Variants in PLEC observed in about 807,000 individuals in gnomAD.
The protein encoded by PLEC is plectin.
In PLEC, 216 loss-of-function variants were observed where a neutral mutation model predicts 392.8. The ratio of observed to expected loss-of-function variants is 0.55; its 90% CI spans 0.49 to 0.62. The LOEUF (loss-of-function observed/expected upper bound fraction) is 0.62, where lower values mean the gene tolerates loss of function less well. Among genes scored for constraint, PLEC ranks in the 20% least tolerant of loss-of-function variants. PLEC has a pLI of 0.00. For missense variants in PLEC, 6,863 were observed against 6,563.4 expected (o/e 1.05, Z -1.58); for synonymous variants, 3,621 against 2,980.6 (o/e 1.21, Z -7.00).
rs1554716337 is a variant in PLEC at position 143,932,110 on chromosome 8, C to A, written c.2082+20G>T. ...GGCACGGCCCCCCCCGCAGCCCCGCCCCTACCCAGGGAGCCCCACCTCCAC... is the reference window on the plus strand; with the variant it reads ...GGCACGGCCCCCCCCGCAGCCCCGCACCTACCCAGGGAGCCCCACCTCCAC... On this transcript the variant is annotated intron_variant, in intron 17 of 31. Transcript: ENST00000345136. 1 of 1,605,910 alleles carries A rather than the reference C, an allele frequency of 6.2e-7. No individual in the cohort carries two copies. Among genetic ancestry groups the A allele is most frequent in the African/African-American group, 1.3e-5 (1 of 74,772 alleles).
At chr8:143,928,030 C>A in intron 25 of PLEC, 38 bp from the exon 26 acceptor site, 1 of 1,563,984 alleles carries the variant, frequency 6.4e-7, no homozygotes, top group Non-Finnish European at 8.7e-7. Flanking sequence ...TGACATGGGG[C>A]TCGAGCAATA....
At position 143,930,017 on chromosome 8, in the gene PLEC, C is replaced by T. The variant is rs78012434; in HGVS notation, c.2658G>A (p.Leu886=). 18,765 of 1,612,170 alleles carry T rather than the reference C, an allele frequency of 0.012. 1,548 individuals carry two copies. In the African/African-American group the frequency reaches 0.2, roughly 17 times the overall value. ...CCAGAAGGCTCTTCATGTCCACGTG[C>T]AACTGGTGCCACAGCGTGACCAGGG... ...HQALVTLWHQ[L]HVDMKSLLAW... is the part of the protein sequence containing the mutation. Residue 886 remains leucine (L), a synonymous_variant, in exon 22 of 32, where the codon TTG becomes TTA. Transcript: ENST00000345136.
In PLEC at chr8:143,920,171, G is replaced by A. The variant is rs1554680885; in HGVS notation, c.9650C>T (p.Ala3217Val). 2 of 1,612,292 alleles carry A rather than the reference G, an allele frequency of 1.2e-6. No individual in the cohort carries two copies. Among genetic ancestry groups the A allele is most frequent in the Non-Finnish European group, 1.7e-6 (2 of 1,179,952 alleles). ...LSLLPLSEKA[A>V]RARQEELYSE... ...GTAGAGCTCCTCCTGCCGGGCCCGA[G>A]CAGCCTTTTCTGAGAGCGGCAGCAG... The change falls in exon 32 of 32, where the codon GCT (alanine) becomes GTT (valine). Residue 3217 changes from alanine (A) to valine (V), a missense_variant. Ala to Val is a moderately conservative substitution (Grantham distance 64). Transcript: ENST00000345136.
chr8:143,960,653 T>C (rs1229464999), intron 1 of PLEC, among the ~76,000 whole-genome samples: 1 of 152,186 alleles, frequency 6.6e-6, no homozygotes, highest in African/African-American at 2.4e-5. Flanking sequence ...GTTTACATTC[T>C]TCCCTTCACT....
intron 1 of PLEC, chr8:143,945,115 A>G: frequency 2.4e-6 from 1 of 410,376 alleles, no homozygotes; most frequent in South Asian, 1.9e-5. Flanking sequence ...GGGCCAAGAG[A>G]AGAGGCCGCC....
In PLEC at chr8:143,923,888, A is replaced by T; in HGVS notation, c.6041T>A (p.Leu2014Gln). 6.3e-7 allele frequency: 1 copy of T among 1,594,378 alleles called. No individual in the cohort carries two copies. Among genetic ancestry groups the T allele is most frequent in the Non-Finnish European group, 8.5e-7 (1 of 1,177,910 alleles). The change falls in exon 31 of 32, where the codon CTG becomes CAG. Residue 2014 changes from leucine (L) to glutamine (Q), a missense_variant. Physicochemically the swap from Leu to Gln is moderately radical, Grantham distance 113. Transcript: ENST00000345136. ...RKAALEEVER[L>Q]KAKVEEARRL... Reference sequence around the variant, plus strand: ...CCGCGCCTCCTCCACCTTGGCTTTCAGCCGCTCGACTTCCTCCAGCGCCGC... The same window carrying T: ...CCGCGCCTCCTCCACCTTGGCTTTCTGCCGCTCGACTTCCTCCAGCGCCGC...
exon 1 of PLEC, chr8:143,950,351 A>G: frequency 6.3e-7 from 1 of 1,584,454 alleles, no homozygotes; most frequent in Non-Finnish European, 8.6e-7. Flanking sequence ...GGGACCCTGC[A>G]CAGCCTGCAC....
chr8:143,953,694 C>T (rs1554738101), upstream of PLEC: 10 of 1,603,640 alleles, frequency 6.2e-6, no homozygotes, highest in Non-Finnish European at 8.5e-6. Context: ...TGGTCCGCGC[C>T]CCCCGGCTCG....
rs1554710625 is a variant in PLEC at position 143,929,294 on chromosome 8, G to C, written c.3082-13C>G. On this transcript the variant is annotated splice_polypyrimidine_tract_variant and intron_variant, in intron 24 of 31. Coordinates refer to ENST00000345136, the MANE Select transcript of PLEC (RefSeq NM_201384.3). ...CTGCCTGTGCCTTCTGCAAAGACAG[G>C]GAGTGGGAACGCACTCATCACCGAG... 1.3e-6 allele frequency: 2 copies of C among 1,599,376 alleles called. No individual in the cohort carries two copies. Among genetic ancestry groups the C allele is most frequent in the Non-Finnish European group, 1.7e-6 (2 of 1,179,344 alleles).
chr8:143,934,243 C>A, intron 11 of PLEC, 75 bp downstream of exon 11: 2 of 1,600,684 alleles, frequency 1.2e-6, no homozygotes, highest in South Asian at 2.2e-5. Context: ...GGGGGCGGGG[C>A]GGGGAGGGGG....
Position 143,922,901 on chromosome 8 carries a change from G to C in PLEC, c.7028C>G (p.Ala2343Gly). The change falls in exon 31 of 32, where the codon GCG (alanine) becomes GGG (glycine). Residue 2343 changes from alanine to glycine, a missense_variant. Transcript: ENST00000345136. ...CTCCTTGTCCTCCTGCAGCCGCCGC[G>C]CCTGCTCCTGCGCAAGCTCCTTCTG... ...QQQKELAQEQ[A>G]RRLQEDKEQM... The C allele has an allele frequency of 6.3e-7, 1 of 1,590,414 alleles. No homozygotes were observed. Among genetic ancestry groups the C allele is most frequent in the Admixed American group, 1.8e-5 (1 of 56,674 alleles).
At chr8:143,947,973 C>A (rs1831695730) in intron 1 of PLEC, among the ~76,000 whole-genome samples, 1 of 152,188 alleles carries the variant, frequency 6.6e-6, no homozygotes, top group Admixed American at 6.5e-5. Context: ...CTTCTGAAGC[C>A]ACCTTCCCAT....
At chr8:143,966,837 G>A (rs1419840469) in intron 1 of PLEC, among the ~76,000 whole-genome samples, 12 of 152,150 alleles carry the variant, frequency 7.9e-5, no homozygotes, top group Admixed American at 6.5e-4. Flanking sequence ...CCCACGGCCA[G>A]ACCCTATGAG....
intron 25 of PLEC, among the ~76,000 whole-genome samples, chr8:143,928,518 G>C (rs1394170043): frequency 9.7e-6 from 1 of 103,236 alleles, no homozygotes; most frequent in Non-Finnish European, 2.1e-5. Context: ...TAGACAGCGG[G>C]TGGACCTGTG....
At chr8:143,957,689 G>A (rs1478837764), upstream of PLEC, among the ~76,000 whole-genome samples, 2 of 152,174 alleles carry the variant, frequency 1.3e-5, no homozygotes, top group Non-Finnish European at 2.9e-5. Context: ...CCAAAGAAGG[G>A]GCTCCAACCC....
At chr8:143,948,525 C>T (rs1243547208) in intron 1 of PLEC, among the ~76,000 whole-genome samples, 1 of 152,202 alleles carries the variant, frequency 6.6e-6, no homozygotes, top group Admixed American at 6.5e-5. Context: ...AAGCTCAGCC[C>T]GTGAGGTCCA....
At position 143,929,165 on chromosome 8, in the gene PLEC, C is replaced by G; in HGVS notation, c.3198G>C (p.Glu1066Asp). 6.3e-7 allele frequency: 1 copy of G among 1,594,490 alleles called. No individual in the cohort carries two copies. Among genetic ancestry groups the G allele is most frequent in the South Asian group, 1.1e-5 (1 of 88,496 alleles). ...CCAGCTTGCCCAGCGTCAGCTCCAG[C>G]TCCGAGCGCAGCGTGGGGGCCGCAG... The part of the protein sequence containing the change: ...PSPAAPTLRS[E>D]LELTLGKLEQ... Residue 1066 changes from glutamate to aspartate, a missense_variant, in exon 25 of 32, where the codon GAG becomes GAC. Physicochemically the swap from Glu to Asp is conservative, Grantham distance 45 (BLOSUM62 2). Coordinates refer to ENST00000345136, the MANE Select transcript of PLEC (RefSeq NM_201384.3).
chr8:143,931,195 CCACT>C, intron 19 of PLEC, among the ~76,000 whole-genome samples: 1 of 152,222 alleles, frequency 6.6e-6, no homozygotes, highest in Admixed American at 6.5e-5. Flanking sequence ...CTTCAGGCTT[CCACT>C]CACTCTGTGG....
At chr8:143,953,055 C>A (rs1199742319), upstream of PLEC, among the ~76,000 whole-genome samples, 3 of 149,140 alleles carry the variant, frequency 2.0e-5, no homozygotes, top group Non-Finnish European at 1.5e-5. Flanking sequence ...ACACACACCC[C>A]TGCGCCAGGG....
Sources: allele counts gnomAD v4.1 joint callset (sites outside exome capture counted in the v4.1 genomes callset), GRCh38; gene constraint gnomAD v4.1.1; transcripts MANE v1.5; gene names NCBI Gene and HGNC (gene_info 2026-07-23, HGNC 2026-07-21).